The following DAAM1 variants were observed in gnomAD, a reference collection of about 807,000 sequenced individuals.
The protein encoded by DAAM1 is dishevelled associated activator of morphogenesis 1, also known as disheveled-associated activator of morphogenesis 1.
In DAAM1, 52 loss-of-function variants were observed where a neutral mutation model predicts 130.0. That is an observed-to-expected ratio of 0.40 (90% CI 0.32 to 0.50). The LOEUF (loss-of-function observed/expected upper bound fraction) is 0.50. Among genes scored for constraint, DAAM1 ranks in the 20% least tolerant of loss-of-function variants. The probability of loss-of-function intolerance (pLI) is 0.61; values close to 1 mark genes in which losing one functional copy is unlikely to be tolerated. For missense variants in DAAM1, 1,134 were observed against 1,303.8 expected (o/e 0.87, Z 2.01); for synonymous variants, 452 against 444.5 (o/e 1.02, Z -0.21).
At position 59,340,186 on chromosome 14, in the gene DAAM1, G is replaced by A. The variant is rs940590107; in HGVS notation, c.2075+6G>A. On this transcript the variant is annotated splice_donor_region_variant and intron_variant, in intron 16 of 24. Coordinates refer to ENST00000360909, the MANE Select transcript of DAAM1 (RefSeq NM_001270520.2). ...TGCAACATCCTTCTATCGAGGTATTGTTGATGTTGAATAAACATTTCTAGT... is the reference window on the plus strand; with the variant it reads ...TGCAACATCCTTCTATCGAGGTATTATTGATGTTGAATAAACATTTCTAGT... The A allele has an allele frequency of 3.1e-6, 5 of 1,611,578 alleles. No individual in the cohort carries two copies. The highest frequency in any genetic ancestry group is 2.2e-5 in the South Asian group (2 of 90,956).
chr14:59,259,716 T>C (rs1004532324), intron 1 of DAAM1, among the ~76,000 whole-genome samples: 1 of 152,198 alleles, frequency 6.6e-6, no homozygotes, highest in Non-Finnish European at 1.5e-5. Flanking sequence ...CTAATGTACA[T>C]CAGCGCTGCT....
At chr14:59,294,696 T>C (rs546699684) in intron 3 of DAAM1, among the ~76,000 whole-genome samples, 54 of 152,194 alleles carry the variant, frequency 3.5e-4, no homozygotes, top group Non-Finnish European at 3.8e-4. Context: ...AATCACAACA[T>C]ACTCTTTTGT....
At chr14:59,220,214 G>A (rs1006177097) in intron 1 of DAAM1, among the ~76,000 whole-genome samples, 13 of 152,196 alleles carry the variant, frequency 8.5e-5, no homozygotes, top group African/African-American at 2.6e-4. Context: ...GAGAATTGGC[G>A]GCTCTATTCT....
chr14:59,326,945 A>G lies in DAAM1; in HGVS notation c.1326A>G (p.Glu442=). ...IKNVVRMLVN[E]NEVKQWKEQA... ...AACTCTTACACAGGTTGGTTAATGA[A>G]AATGAAGTTAAGCAGTGGAAAGAAC... is the stretch of plus-strand genomic sequence containing the variant. Residue 442 remains glutamate (E), a synonymous_variant, in exon 12 of 25, where the codon GAA becomes GAG. Coordinates refer to ENST00000360909, the MANE Select transcript of DAAM1 (RefSeq NM_001270520.2). 6.2e-7 allele frequency: 1 copy of G among 1,614,016 alleles called. No individual in the cohort carries two copies. Among genetic ancestry groups the G allele is most frequent in the Non-Finnish European group, 8.5e-7 (1 of 1,179,960 alleles).
At chr14:59,227,704 A>G (rs765717742) in intron 1 of DAAM1, among the ~76,000 whole-genome samples, 58 of 152,168 alleles carry the variant, frequency 3.8e-4, no homozygotes, top group Admixed American at 7.9e-4. Context: ...GAAGCTGTTC[A>G]CATTGTAAGC....
intron 2 of DAAM1, among the ~76,000 whole-genome samples, chr14:59,276,268 C>T (rs1267322103): frequency 6.6e-6 from 1 of 152,156 alleles, no homozygotes; most frequent in East Asian, 1.9e-4. Flanking sequence ...AGTACATTTT[C>T]TCCATGCATT....
chr14:59,350,295 T>C (rs935481897), intron 17 of DAAM1, among the ~76,000 whole-genome samples: 20 of 152,026 alleles, frequency 1.3e-4, no homozygotes, highest in Admixed American at 1.1e-3. Context: ...TGCCCCCTTC[T>C]CTATATCTGC....
chr14:59,201,240 G>A (rs1439642145), intron 1 of DAAM1, among the ~76,000 whole-genome samples: 1 of 151,218 alleles, frequency 6.6e-6, no homozygotes, highest in Non-Finnish European at 1.5e-5. Flanking sequence ...AAGAGTGAAA[G>A]ATCTTGGGTT....
chr14:59,195,140 AC>A (rs1887844684), intron 1 of DAAM1, among the ~76,000 whole-genome samples: 1 of 119,234 alleles, frequency 8.4e-6, no homozygotes, highest in South Asian at 2.6e-4. Flanking sequence ...ATCTTGTTAT[AC>A]TTTTTTTTTT....
intron 2 of DAAM1, chr14:59,264,470 T>C (rs1882339030): frequency 6.6e-6 from 1 of 152,186 alleles, no homozygotes; most frequent in African/African-American, 2.4e-5. Context: ...TGTTCCTGTT[T>C]TCTGAAGGAA....
At chr14:59,342,602 T>A (rs2139652676) in intron 16 of DAAM1, among the ~76,000 whole-genome samples, 1 of 152,250 alleles carries the variant, frequency 6.6e-6, no homozygotes, top group East Asian at 1.9e-4. Context: ...CTTTGGAGCA[T>A]TTTTTTGCCC....
intron 1 of DAAM1, among the ~76,000 whole-genome samples, chr14:59,248,761 G>A (rs1881506834): frequency 6.6e-6 from 1 of 152,120 alleles, no homozygotes; most frequent in African/African-American, 2.4e-5. Flanking sequence ...AAACTCCTTT[G>A]TTTTCCTGAG....
intron 21 of DAAM1, 149 bp from the exon 22 acceptor site, chr14:59,360,653 G>T: frequency 1.9e-6 from 1 of 517,788 alleles, no homozygotes; most frequent in Non-Finnish European, 3.2e-6. Flanking sequence ...AAATACTGTT[G>T]TCTTTCTTTG....
At chr14:59,191,975 C>T (rs1177976155) in intron 1 of DAAM1, among the ~76,000 whole-genome samples, 8 of 152,166 alleles carry the variant, frequency 5.3e-5, no homozygotes, top group African/African-American at 1.9e-4. Context: ...ATCCAGTAGT[C>T]TGATTCTGTG....
chr14:59,291,397 T>C (rs539477527), intron 3 of DAAM1, 91 bp downstream of exon 3: 2 of 1,029,610 alleles, frequency 1.9e-6, no homozygotes, highest in South Asian at 1.6e-5. Flanking sequence ...GACAGCTCTT[T>C]GTAATATGAA....
chr14:59,366,637 G>C (rs1007920535), intron 23 of DAAM1, among the ~76,000 whole-genome samples: 21 of 152,242 alleles, frequency 1.4e-4, no homozygotes, highest in African/African-American at 4.3e-4. Context: ...GCTCAAATGA[G>C]GTAGACAGGA....
At chr14:59,250,187 A>G (rs2139480071) in intron 1 of DAAM1, among the ~76,000 whole-genome samples, 1 of 152,324 alleles carries the variant, frequency 6.6e-6, no homozygotes, top group East Asian at 1.9e-4. Context: ...AGTGAACTAC[A>G]GAGTCTCTTA....
chr14:59,346,049 T>C (rs779850442), intron 16 of DAAM1, among the ~76,000 whole-genome samples: 2 of 150,200 alleles, frequency 1.3e-5, no homozygotes, highest in African/African-American at 2.4e-5. Context: ...ACTGTGTTCT[T>C]TCTATGGCCA....
intron 1 of DAAM1, among the ~76,000 whole-genome samples, chr14:59,262,397 T>G (rs1023203349): frequency 5.9e-5 from 9 of 152,198 alleles, no homozygotes; most frequent in East Asian, 3.8e-4. Context: ...AGTTGTAACT[T>G]AAAACATACC....
Sources: allele counts gnomAD v4.1 joint callset (sites outside exome capture counted in the v4.1 genomes callset), GRCh38; gene constraint gnomAD v4.1.1; transcripts MANE v1.5; gene names NCBI Gene and HGNC (gene_info 2026-07-23, HGNC 2026-07-21).